The following UACA variants were observed in gnomAD, a reference collection of about 807,000 sequenced individuals.
UACA encodes uveal autoantigen with coiled-coil domains and ankyrin repeats.
Under a neutral mutation model 160.5 loss-of-function variants are expected in UACA, and 112 were observed. The observed-to-expected ratio is 0.70, with a 90% CI of 0.60 to 0.82. The LOEUF is 0.82. UACA is among the 40% of genes least tolerant of loss of function. UACA has a pLI of 0.00. For synonymous variants in UACA, 557 were observed against 568.4 expected (o/e 0.98, Z 0.29); for missense variants, 1,574 against 1,614.6 (o/e 0.97, Z 0.43).
intron 1 of UACA, among the ~76,000 whole-genome samples, chr15:70,756,230 G>C (rs1032203261): frequency 6.6e-6 from 1 of 151,458 alleles, no homozygotes; most frequent in Non-Finnish European, 1.5e-5. Flanking sequence ...GCAATGGCAT[G>C]ATCTCAGCTC....
Position 70,687,835 on chromosome 15 carries a change from A to G in UACA, c.425-15T>C. 6.2e-7 allele frequency: 1 copy of G among 1,612,744 alleles called. No homozygotes were observed. Among genetic ancestry groups the G allele is most frequent in the Non-Finnish European group, 8.5e-7 (1 of 1,179,028 alleles). Reference sequence around the variant, plus strand: ...ATCTGCCATTGCTTTAAGGAACAAAAGAAAATGATAAATGGTGAACATCTG... The same window carrying G: ...ATCTGCCATTGCTTTAAGGAACAAAGGAAAATGATAAATGGTGAACATCTG... On this transcript the variant is annotated splice_polypyrimidine_tract_variant and intron_variant, in intron 5 of 18. Coordinates refer to ENST00000322954, the MANE Select transcript of UACA (RefSeq NM_018003.4).
At chr15:70,738,028 T>A (rs1260519668) in intron 1 of UACA, among the ~76,000 whole-genome samples, 1 of 152,184 alleles carries the variant, frequency 6.6e-6, no homozygotes, top group Non-Finnish European at 1.5e-5. Flanking sequence ...CCATTAATGT[T>A]TTGAGGGGAA....
At chr15:70,678,018 T>C (rs1228788673) in intron 11 of UACA, 81 bp downstream of exon 11, 2 of 1,099,096 alleles carry the variant, frequency 1.8e-6, no homozygotes, top group Non-Finnish European at 2.6e-6. Context: ...GAGCTAATTT[T>C]ACCTTCTTTA....
chr15:70,746,076 A>G (rs28808695), intron 1 of UACA, among the ~76,000 whole-genome samples: 20,618 of 152,208 alleles, frequency 0.14, 1,715 homozygotes, highest in African/African-American at 0.23. Flanking sequence ...AGGCATGGGA[A>G]AAGACTTCAT....
At chr15:70,743,681 T>C (rs537180192) in intron 1 of UACA, among the ~76,000 whole-genome samples, 17 of 152,320 alleles carry the variant, frequency 1.1e-4, no homozygotes, top group Non-Finnish European at 2.1e-4. Flanking sequence ...AAAAAGGACA[T>C]GTTTTAACAA....
Position 70,684,323 on chromosome 15 carries a change from A to G in UACA, c.726T>C (p.Ile242=). ...LGHDSSYYAR[I]GDNLDILTLL... is the part of the protein sequence containing the mutation. ...AGGTTAGAATGTCCAGATTGTCACC[A>G]ATTCTTGCATAGTAAGAACTATCAT... The change falls in exon 8 of 19, where the codon ATT becomes ATC. Residue 242 remains isoleucine, a synonymous_variant. Transcript: ENST00000322954. 6.2e-7 allele frequency: 1 copy of G among 1,613,754 alleles called. No individual in the cohort carries two copies. Among genetic ancestry groups the G allele is most frequent in the Middle Eastern group, 1.7e-4 (1 of 6,054 alleles).
intron 1 of UACA, among the ~76,000 whole-genome samples, chr15:70,724,824 T>C (rs951371233): frequency 6.7e-6 from 1 of 150,102 alleles, no homozygotes; most frequent in Non-Finnish European, 1.5e-5. Context: ...AAAAGATATC[T>C]AGAAATCCCC....
chr15:70,771,209 T>G, the UACA span, among the ~76,000 whole-genome samples: 1 of 152,166 alleles, frequency 6.6e-6, no homozygotes, highest in Non-Finnish European at 1.5e-5. Flanking sequence ...AGGGAGGAAA[T>G]CAACCTCAGG....
At chr15:70,775,620 T>C in the UACA span, among the ~76,000 whole-genome samples, 2 of 152,176 alleles carry the variant, frequency 1.3e-5, no homozygotes, top group African/African-American at 4.8e-5. Context: ...TTTGCTTGTG[T>C]TTTCTCTCTT....
rs550629241 is a variant in UACA, at chr15:70,715,620, C to A, written c.79-15960G>T. Among the ~76,000 whole-genome samples, 104 of 152,232 alleles carry A rather than the reference C, an allele frequency of 6.8e-4. 1 individual carries two copies. The highest frequency in any genetic ancestry group is 2.4e-3 in the African/African-American group (100 of 41,540). On this transcript the variant is annotated intron_variant, in intron 1 of 18. Transcript: ENST00000322954. ...TTGTAAACATATTAAAAGTTAGCTG[C>A]TCTTCCTTTTATTTATTAAATGAAT...
intron 9 of UACA, among the ~76,000 whole-genome samples, chr15:70,680,729 A>G (rs1319317005): frequency 6.6e-6 from 1 of 152,134 alleles, no homozygotes; most frequent in East Asian, 1.9e-4. Flanking sequence ...AATCAACCGC[A>G]TCCTTTAATT....
chr15:70,720,394 A>G (rs1898954470), intron 1 of UACA, among the ~76,000 whole-genome samples: 1 of 152,166 alleles, frequency 6.6e-6, no homozygotes, highest in Non-Finnish European at 1.5e-5. Context: ...TGCAGCCTCA[A>G]ACTCCTGGGC....
Position 70,678,082 on chromosome 15 carries a change from T to C in UACA, c.999+17A>G, listed in dbSNP as rs764383117. ...ATAGTAAGACAGTTTATTTTTCTAT[T>C]ATGCAGATTTATTTACCTCATTCAG... On this transcript the variant is annotated intron_variant, in intron 11 of 18. Coordinates refer to ENST00000322954, the MANE Select transcript of UACA (RefSeq NM_018003.4). 1 of 1,514,774 alleles carries C rather than the reference T, an allele frequency of 6.6e-7. No individual in the cohort carries two copies. The highest frequency in any genetic ancestry group is 1.2e-5 in the South Asian group (1 of 82,706). 93.8% of individuals were successfully genotyped at this position (1,514,774 alleles called of 1,614,324 possible). A position where few individuals can be genotyped will look rare whatever the true frequency, so the allele number is the denominator to read the frequency against.
intron 1 of UACA, among the ~76,000 whole-genome samples, chr15:70,726,949 T>C (rs1296492423): frequency 1.3e-5 from 2 of 152,168 alleles, no homozygotes; most frequent in East Asian, 1.9e-4. Context: ...AGTGGTGATG[T>C]GGCCAGTGCT....
intron 1 of UACA, among the ~76,000 whole-genome samples, chr15:70,746,943 T>C (rs1193991736): frequency 6.6e-6 from 1 of 151,880 alleles, no homozygotes; most frequent in Non-Finnish European, 1.5e-5. Flanking sequence ...TGAGAACATA[T>C]GGGCACAGGG....
chr15:70,667,491 T>C lies in UACA; in HGVS notation c.3193A>G (p.Thr1065Ala), dbSNP rs757511713. The C allele has an allele frequency of 6.2e-7, 1 of 1,611,654 alleles. No individual in the cohort carries two copies. Among genetic ancestry groups the C allele is most frequent in the South Asian group, 1.1e-5 (1 of 90,728 alleles). ...HEMERALSRKTDELNKQLKDL... is the reference protein window; with the variant it reads ...HEMERALSRKADELNKQLKDL... ...TTTAACTGTTTGTTTAGCTCGTCTG[T>C]TTTTCTGCTTAATGCTCTTTCCATT... Residue 1065 changes from threonine to alanine, a missense_variant, in exon 16 of 19, where the codon ACA becomes GCA. Physicochemically the swap from Thr to Ala is moderately conservative, Grantham distance 58. Transcript: ENST00000322954.
intron 1 of UACA, among the ~76,000 whole-genome samples, chr15:70,715,245 C>T (rs566971278): frequency 1.3e-5 from 2 of 152,102 alleles, no homozygotes; most frequent in East Asian, 3.8e-4. Flanking sequence ...GTAATAGTTA[C>T]GGTGAATTTT....
chr15:70,708,968 C>T (rs1344776795), intron 1 of UACA, among the ~76,000 whole-genome samples: 1 of 152,146 alleles, frequency 6.6e-6, no homozygotes, highest in Non-Finnish European at 1.5e-5. Context: ...CTGATGTATA[C>T]ATATTTAAAC....
intron 1 of UACA, chr15:70,758,897 T>C (rs1463330062): frequency 1.3e-5 from 2 of 152,174 alleles, no homozygotes; most frequent in Admixed American, 6.5e-5. Flanking sequence ...ACTTTGTTTG[T>C]TTGTTTTTGG....
Sources: allele counts gnomAD v4.1 joint callset (sites outside exome capture counted in the v4.1 genomes callset), GRCh38; gene constraint gnomAD v4.1.1; transcripts MANE v1.5; gene names NCBI Gene and HGNC (gene_info 2026-07-23, HGNC 2026-07-21).